Variants in CLIP4 observed in about 807,000 individuals in gnomAD.
The protein encoded by CLIP4 is CAP-Gly domain containing linker protein family member 4, also known as CAP-Gly domain-containing linker protein 4.
In CLIP4, 47 loss-of-function variants were observed where a neutral mutation model predicts 73.1. The observed-to-expected ratio is 0.64, with a 90% confidence interval of 0.51 to 0.82. The LOEUF (loss-of-function observed/expected upper bound fraction) is 0.82. Among genes scored for constraint, CLIP4 ranks in the 40% least tolerant of loss-of-function variants. CLIP4 has a pLI of 0.00. For synonymous variants in CLIP4, 306 were observed against 295.4 expected, an observed-to-expected ratio of 1.04 and a Z score of -0.37; for missense variants, 874 against 852.9, an observed-to-expected ratio of 1.02 and a Z score of -0.31.
chr2:29,176,692 C>T (rs1048116566), intron 15 of CLIP4, among the ~76,000 whole-genome samples: 2 of 152,170 alleles, frequency 1.3e-5, no homozygotes, highest in Admixed American at 1.3e-4. Flanking sequence ...GTTGATTCTC[C>T]TTCACTCTGC....
intron 6 of CLIP4, among the ~76,000 whole-genome samples, chr2:29,137,680 G>A (rs1665465575): frequency 6.6e-6 from 1 of 152,038 alleles, no homozygotes; most frequent in Non-Finnish European, 1.5e-5. Flanking sequence ...TCACCAAGAT[G>A]TTATTTTTTG....
At chr2:29,134,663 G>T (rs1665221448) in intron 5 of CLIP4, among the ~76,000 whole-genome samples, 1 of 152,034 alleles carries the variant, frequency 6.6e-6, no homozygotes, top group African/African-American at 2.4e-5. Context: ...TGTGGGTGTG[G>T]TGTTGTTTAG....
chr2:29,108,583 T>G (rs1668299711), intron 1 of CLIP4, among the ~76,000 whole-genome samples: 1 of 152,246 alleles, frequency 6.6e-6, no homozygotes, highest in African/African-American at 2.4e-5. Context: ...AAACTGCCGA[T>G]AAGAGAAGAC....
intron 14 of CLIP4, among the ~76,000 whole-genome samples, chr2:29,169,704 A>G (rs1667880180): frequency 6.6e-6 from 1 of 152,120 alleles, no homozygotes; most frequent in Admixed American, 6.6e-5. Context: ...AAGTCAGGGT[A>G]ATTGGGATAT....
At chr2:29,128,387 A>C (rs1390238781) in intron 2 of CLIP4, among the ~76,000 whole-genome samples, 2 of 152,036 alleles carry the variant, frequency 1.3e-5, no homozygotes, top group East Asian at 3.8e-4. Context: ...ATTTAACCAA[A>C]GTGACAAAGA....
intron 9 of CLIP4, among the ~76,000 whole-genome samples, chr2:29,155,909 C>A (rs1449368115): frequency 6.6e-6 from 1 of 152,254 alleles, no homozygotes; most frequent in Non-Finnish European, 1.5e-5. Flanking sequence ...TGGGCACTGG[C>A]ATCCCTGTCT....
intron 1 of CLIP4, among the ~76,000 whole-genome samples, chr2:29,118,755 G>A (rs1664049462): frequency 6.6e-6 from 1 of 151,954 alleles, no homozygotes; most frequent in African/African-American, 2.4e-5. Flanking sequence ...CCTGACCTTG[G>A]GTGATCCACC....
At position 29,168,512 on chromosome 2, in the gene CLIP4, CTTTTTTTTTTTTTTTTT is replaced by C. The variant is rs35201336; in HGVS notation, c.1723+985_1723+1001del. Among the ~76,000 whole-genome samples, 3 of 66,760 alleles carry C rather than the reference CTTTTTTTTTTTTTTTTT, an allele frequency of 4.5e-5. 1 individual carries two copies. The highest frequency in any genetic ancestry group is 8.4e-5 in the Non-Finnish European group (3 of 35,628). 43.8% of individuals were successfully genotyped at this position (66,760 alleles called of 152,430 possible). On this transcript the variant is annotated intron_variant, in intron 14 of 15. Transcript: ENST00000320081. ...ATAGCAAAACAGGTTATGGTTTGCC[CTTTTTTTTTTTTTTTTT>C]TTTTTTTTTTTTGAGACGAGTCTCT... is the stretch of plus-strand genomic sequence containing the variant.
intron 2 of CLIP4, among the ~76,000 whole-genome samples, chr2:29,125,738 C>G (rs186222829): frequency 6.6e-6 from 1 of 152,114 alleles, no homozygotes; most frequent in Admixed American, 6.5e-5. Flanking sequence ...TCTAACATCC[C>G]GTGTCTTGAA....
intron 6 of CLIP4, among the ~76,000 whole-genome samples, chr2:29,141,345 G>A (rs1665752511): frequency 6.6e-6 from 1 of 152,110 alleles, no homozygotes; most frequent in Non-Finnish European, 1.5e-5. Flanking sequence ...AAGTCTAACT[G>A]GTCAAGTGCT....
At chr2:29,138,735 G>A (rs1665551565) in intron 6 of CLIP4, among the ~76,000 whole-genome samples, 1 of 151,966 alleles carries the variant, frequency 6.6e-6, no homozygotes, top group Non-Finnish European at 1.5e-5. Context: ...GTATTCCTTG[G>A]TATTTTTATT....
chr2:29,170,128 A>C (rs911990342), intron 14 of CLIP4, among the ~76,000 whole-genome samples: 9 of 152,156 alleles, frequency 5.9e-5, no homozygotes, highest in African/African-American at 2.2e-4. Context: ...TTATGTATAT[A>C]TACTATATTT....
intron 2 of CLIP4, among the ~76,000 whole-genome samples, chr2:29,121,823 A>G (rs1664268213): frequency 6.6e-6 from 1 of 152,112 alleles, no homozygotes; most frequent in Non-Finnish European, 1.5e-5. Flanking sequence ...TCTGCTATTG[A>G]TGTATTTATT....
chr2:29,118,985 T>C (rs893893239), intron 1 of CLIP4, among the ~76,000 whole-genome samples: 1 of 152,210 alleles, frequency 6.6e-6, no homozygotes, highest in Admixed American at 6.5e-5. Context: ...GATCCAGGAA[T>C]TGCTTTTAGG....
intron 9 of CLIP4, among the ~76,000 whole-genome samples, chr2:29,153,402 T>G (rs778083109): frequency 3.3e-5 from 5 of 152,214 alleles, no homozygotes; most frequent in Non-Finnish European, 7.4e-5. Context: ...GTAATTTGAC[T>G]TCTGCCTTTT....
rs549222876 is a variant in CLIP4, at chr2:29,105,362, G to C, written c.-16+7415G>C. Among the ~76,000 whole-genome samples, 6 of 152,340 alleles carry C rather than the reference G, an allele frequency of 3.9e-5. No homozygotes were observed. The East Asian group carries it at 1.2e-3, about 29-fold the overall frequency. ...TGCTCCATCTTACTTCAAAGTGCTTGAAGTTTTTTATATGCCTTTAATGTT... is the reference window on the plus strand; with the variant it reads ...TGCTCCATCTTACTTCAAAGTGCTTCAAGTTTTTTATATGCCTTTAATGTT... On this transcript the variant is annotated intron_variant, in intron 1 of 14. Transcript: ENST00000401605.
intron 6 of CLIP4, among the ~76,000 whole-genome samples, chr2:29,138,157 A>G (rs1423735487): frequency 6.6e-6 from 1 of 152,034 alleles, no homozygotes; most frequent in African/African-American, 2.4e-5. Context: ...TTTAAATTTT[A>G]AATCCATCTT....
intron 2 of CLIP4, among the ~76,000 whole-genome samples, chr2:29,128,008 T>C (rs1047552615): frequency 1.3e-5 from 2 of 152,126 alleles, no homozygotes; most frequent in South Asian, 2.1e-4. Context: ...ACACTTACAT[T>C]AATAATATAG....
At chr2:29,100,416 C>T (rs1233692737) in intron 1 of CLIP4, among the ~76,000 whole-genome samples, 2 of 151,886 alleles carry the variant, frequency 1.3e-5, no homozygotes, top group Non-Finnish European at 2.9e-5. Flanking sequence ...TGGAGAATCC[C>T]TATGTGCCCC....
Sources: gnomAD v4.1 joint callset for allele counts (sites outside exome capture counted in the v4.1 genomes callset) on GRCh38, gnomAD v4.1.1 for gene constraint, MANE v1.5 for transcripts, NCBI Gene and HGNC (gene_info 2026-07-23, HGNC 2026-07-21) for gene names.